The following PCDHGB1 variants were observed in gnomAD, a reference collection of about 807,000 sequenced individuals.
PCDHGB1 encodes the protein protocadherin gamma subfamily B, 1.
Under a neutral mutation model 56.6 loss-of-function variants are expected in PCDHGB1, and 34 were observed. The ratio of observed to expected loss-of-function variants is 0.60; its 90% CI spans 0.46 to 0.80. The LOEUF is 0.80. PCDHGB1 is among the 30% of genes least tolerant of loss of function. The pLI is 0.00. For missense variants in PCDHGB1, 1,278 were observed against 1,204.6 expected (o/e 1.06, Z -0.90); for synonymous variants, 561 against 505.9 (o/e 1.11, Z -1.46).
intron 1 of PCDHGB1, chr5:141,419,581 C>T: frequency 6.2e-7 from 1 of 1,611,888 alleles, no homozygotes; most frequent in South Asian, 1.1e-5. Context: ...GCTCCGCGCT[C>T]TTCGACACAG....
At chr5:141,400,999 TCCTA>T (rs1239504565) in intron 1 of PCDHGB1, among the ~76,000 whole-genome samples, 2 of 152,226 alleles carry the variant, frequency 1.3e-5, no homozygotes, top group African/African-American at 2.4e-5. Flanking sequence ...GCTTTCTTAT[TCCTA>T]CCTAATGGAT....
chr5:141,374,543 C>T (rs755927894), intron 1 of PCDHGB1: 3 of 1,613,376 alleles, frequency 1.9e-6, no homozygotes, highest in South Asian at 1.1e-5. Context: ...TCGTTTTCCA[C>T]TAATGGAGGT....
chr5:141,432,079 G>A lies in PCDHGB1; in HGVS notation c.2410-62728G>A, dbSNP rs138510025. On this transcript the variant is annotated intron_variant, in intron 1 of 3. Transcript: ENST00000523390. The surrounding 1 kb of genome is among the most constrained non-coding windows in gnomAD (Gnocchi z 6.0). ...TATCCACGGAAACTCATATCTCGCT[G>A]AACGTGGCAGACACCAACGACAACC... 1.6e-4 allele frequency: 252 copies of A among 1,614,054 alleles called. No homozygotes were observed. The highest frequency in any genetic ancestry group is 8.1e-5 in the Non-Finnish European group (96 of 1,180,048).
chr5:141,494,898 T>C, intron 2 of PCDHGB1, 33 bp downstream of exon 2: 1 of 1,614,074 alleles, frequency 6.2e-7, no homozygotes, highest in Non-Finnish European at 8.5e-7. Flanking sequence ...CACCCTCTTC[T>C]CTGCGGCATT....
rs2099746025 is a variant in PCDHGB1 at position 141,493,066 on chromosome 5, T to C, written c.2410-1741T>C. On this transcript the variant is annotated intron_variant, in intron 1 of 3. Coordinates refer to ENST00000523390, the MANE Select transcript of PCDHGB1 (RefSeq NM_018922.3). This position sits in a 1 kb window ranked among gnomAD's most constrained non-coding sequence, Gnocchi z 4.3. ...AACTACAATAGTAAAAAACACAAGT[T>C]TCTCCAACTCCAGGAGCTTTTATTC... Among the ~76,000 whole-genome samples the C allele has an allele frequency of 6.6e-6, 1 of 152,202 alleles. No homozygotes were observed. Among genetic ancestry groups the C allele is most frequent in the East Asian group, 1.9e-4 (1 of 5,194 alleles).
chr5:141,385,378 C>G, intron 1 of PCDHGB1: 3 of 1,519,118 alleles, frequency 2.0e-6, no homozygotes, highest in Non-Finnish European at 2.6e-6. Flanking sequence ...TGATATTTCT[C>G]TATTATTTTG....
chr5:141,383,714 G>C, intron 1 of PCDHGB1: 1 of 1,613,972 alleles, frequency 6.2e-7, no homozygotes, highest in Non-Finnish European at 8.5e-7. Flanking sequence ...CTGGACGAGG[G>C]AGTCAATGGG....
intron 1 of PCDHGB1, chr5:141,375,345 C>T (rs749825552): frequency 5.0e-6 from 8 of 1,613,858 alleles, no homozygotes; most frequent in South Asian, 4.4e-5. Flanking sequence ...TACAACATCA[C>T]TGTGACAGCC....
At chr5:141,382,121 C>T (rs1437558526) in intron 1 of PCDHGB1, among the ~76,000 whole-genome samples, 1 of 152,068 alleles carries the variant, frequency 6.6e-6, no homozygotes, top group African/African-American at 2.4e-5. Flanking sequence ...AGCAACAGCA[C>T]CTGGCCCCCC....
intron 1 of PCDHGB1, chr5:141,405,141 A>G (rs749502643): frequency 6.2e-7 from 1 of 1,613,980 alleles, no homozygotes; most frequent in South Asian, 1.1e-5. Flanking sequence ...GCTACCAGTG[A>G]TGGGTTGGCT....
At chr5:141,465,186 G>T (rs2099098546) in intron 1 of PCDHGB1, among the ~76,000 whole-genome samples, 1 of 151,852 alleles carries the variant, frequency 6.6e-6, no homozygotes, top group African/African-American at 2.4e-5. Flanking sequence ...TTAATTAAAA[G>T]ATAAAAATAA....
At chr5:141,499,908 G>T (rs903753761) in intron 2 of PCDHGB1, among the ~76,000 whole-genome samples, 1 of 151,980 alleles carries the variant, frequency 6.6e-6, no homozygotes, top group African/African-American at 2.4e-5. Flanking sequence ...GGCTGGTCTT[G>T]AACTCCTGGC....
At chr5:141,483,745 T>C (rs1288301129) in intron 1 of PCDHGB1, among the ~76,000 whole-genome samples, 1 of 152,130 alleles carries the variant, frequency 6.6e-6, no homozygotes, top group Non-Finnish European at 1.5e-5. Flanking sequence ...AGGATATTCC[T>C]GAGGATCGAG....
intron 1 of PCDHGB1, chr5:141,362,580 C>T: frequency 6.2e-7 from 1 of 1,603,290 alleles, no homozygotes; most frequent in Non-Finnish European, 8.5e-7. Flanking sequence ...AATTTATTTT[C>T]ACTTCTGGTT....
chr5:141,397,509 T>G (rs2093532710), intron 1 of PCDHGB1, among the ~76,000 whole-genome samples: 1 of 152,204 alleles, frequency 6.6e-6, no homozygotes, highest in African/African-American at 2.4e-5. Flanking sequence ...TAAAATTGTT[T>G]CCATAGCTAA....
chr5:141,470,915 C>A (rs2099244061), intron 1 of PCDHGB1, among the ~76,000 whole-genome samples: 1 of 152,010 alleles, frequency 6.6e-6, no homozygotes, highest in Non-Finnish European at 1.5e-5. Flanking sequence ...GGGACTGTCC[C>A]TATGTTGCTC....
chr5:141,470,836 C>T lies in PCDHGB1; in HGVS notation c.2410-23971C>T, dbSNP rs577375498. On this transcript the variant is annotated intron_variant, in intron 1 of 3. Transcript: ENST00000523390. ...CTGAGTAGTTAGGACGACAAACACA[C>T]GCCACCATGCTCAGATAAGTTTTTT... 2.6e-5 allele frequency among the ~76,000 whole-genome samples: 4 copies of T among 152,176 alleles called. No homozygotes were observed. The East Asian group carries it at 5.8e-4, about 22-fold the overall frequency.
chr5:141,390,561 G>A (rs921631416), intron 1 of PCDHGB1: 1 of 436,212 alleles, frequency 2.3e-6, no homozygotes, highest in African/African-American at 2.0e-5. Flanking sequence ...TTAGACAGTT[G>A]TTGGCTCTCT....
In PCDHGB1 at chr5:141,476,432, G is replaced by T; in HGVS notation, c.2410-18375G>T. 6.2e-7 allele frequency: 1 copy of T among 1,614,116 alleles called. No individual in the cohort carries two copies. The highest frequency in any genetic ancestry group is 8.5e-7 in the Non-Finnish European group (1 of 1,180,028). ...GTGTGGGACACTGCCCTCTTGCACT[G>T]TAACTCTGGAGTTGGTAGTGGAGAA... On this transcript the variant is annotated intron_variant, in intron 1 of 3. Coordinates refer to ENST00000523390, the MANE Select transcript of PCDHGB1 (RefSeq NM_018922.3). The surrounding 1 kb of genome is among the most constrained non-coding windows in gnomAD (Gnocchi z 7.6).
Sources: allele counts gnomAD v4.1 joint callset (sites outside exome capture counted in the v4.1 genomes callset), GRCh38; gene constraint gnomAD v4.1.1; non-coding constraint Gnocchi (gnomAD v3.1); transcripts MANE v1.5; gene names NCBI Gene and HGNC (gene_info 2026-07-23, HGNC 2026-07-21).